Variants in TTC6 observed in about 807,000 individuals in gnomAD.
TTC6 encodes tetratricopeptide repeat protein 6.
A neutral mutation model predicts 210.4 loss-of-function variants in TTC6; 172 were observed. That is an observed-to-expected ratio of 0.82 (90% CI 0.72 to 0.93). The LOEUF (loss-of-function observed/expected upper bound fraction) is 0.93, where lower values mean the gene tolerates loss of function less well. Among genes scored for constraint, TTC6 ranks in the 40% least tolerant of loss-of-function variants. TTC6 has a pLI of 0.00. For missense variants in TTC6, 2,414 were observed against 2,318.1 expected (o/e 1.04, Z -0.85); for synonymous variants, 804 against 819.6 (o/e 0.98, Z 0.32).
chr14:37,613,111 G>T (rs1010047832), intron 2 of TTC6, among the ~76,000 whole-genome samples: 3 of 152,024 alleles, frequency 2.0e-5, no homozygotes, highest in African/African-American at 7.2e-5. Context: ...ATTTTTTGAG[G>T]ATTCTCTTAA....
At chr14:37,763,472 A>G (rs1366492545) in intron 14 of TTC6, among the ~76,000 whole-genome samples, 2 of 152,060 alleles carry the variant, frequency 1.3e-5, no homozygotes, top group Non-Finnish European at 2.9e-5. Context: ...GACTAATTCA[A>G]TTTCTTCGCT....
At chr14:37,780,384 C>G (rs1035936308) in intron 14 of TTC6, among the ~76,000 whole-genome samples, 2 of 152,114 alleles carry the variant, frequency 1.3e-5, no homozygotes, top group African/African-American at 2.4e-5. Context: ...GCGATTCTTC[C>G]TGATGCTATC....
intron 10 of TTC6, 129 bp from the exon 13 acceptor site, chr14:37,748,810 G>C (rs2095943433): frequency 1.1e-5 from 7 of 658,734 alleles, no homozygotes; most frequent in Non-Finnish European, 1.7e-5. Context: ...AGGAGAACTT[G>C]CGCATAAAAT....
At chr14:37,602,582 G>A (rs1005140756) in intron 1 of TTC6, among the ~76,000 whole-genome samples, 2 of 152,142 alleles carry the variant, frequency 1.3e-5, no homozygotes, top group African/African-American at 2.4e-5. Context: ...GCCGCATCTG[G>A]TGTCCTCGAT....
intron 5 of TTC6, among the ~76,000 whole-genome samples, chr14:37,705,522 T>C (rs1421759323): frequency 6.6e-6 from 1 of 152,148 alleles, no homozygotes; most frequent in Non-Finnish European, 1.5e-5. Flanking sequence ...AATAATACTA[T>C]ATGTATAATG....
In TTC6 at chr14:37,748,812, G is replaced by T. The variant is rs899217025; in HGVS notation, c.2364-127G>T. On this transcript the variant is annotated intron_variant, in intron 10 of 30. Transcript: ENST00000553443. ...TTATTAAATGAAAAGGAGAACTTGCGCATAAAATTAGCATGTAATTTTGTT... is the reference window on the plus strand; with the variant it reads ...TTATTAAATGAAAAGGAGAACTTGCTCATAAAATTAGCATGTAATTTTGTT... 3.0e-5 allele frequency: 20 copies of T among 660,798 alleles called. No individual in the cohort carries two copies. The East Asian group carries it at 5.8e-4, about 19-fold the overall frequency. The allele number at this position is 660,798 out of a possible 1,614,324, so 40.9% of individuals were successfully genotyped here.
chr14:37,841,842 C>T, intron 30 of TTC6, 172 bp downstream of exon 32: 1 of 654,676 alleles, frequency 1.5e-6, no homozygotes, highest in Non-Finnish European at 2.5e-6. Context: ...TATGTAATGT[C>T]TTAACTTAAA....
At chr14:37,647,695 G>A (rs2095704066) in intron 1 of TTC6, among the ~76,000 whole-genome samples, 1 of 152,114 alleles carries the variant, frequency 6.6e-6, no homozygotes, top group Non-Finnish European at 1.5e-5. Flanking sequence ...GGGTTAGAGG[G>A]ATGGGAAGTC....
intron 14 of TTC6, among the ~76,000 whole-genome samples, chr14:37,761,651 T>A (rs1196998607): frequency 6.6e-6 from 1 of 152,082 alleles, no homozygotes; most frequent in Non-Finnish European, 1.5e-5. Context: ...TTTAATCACT[T>A]CCTTATAGTT....
At chr14:37,795,344 C>T (rs1003366591) in exon 18 of TTC6, 12 of 1,524,024 alleles carry the variant, frequency 7.9e-6, no homozygotes, top group Non-Finnish European at 8.8e-6. Flanking sequence ...TCCAATTATA[C>T]ATAAGAAGGT....
chr14:37,817,633 C>G, exon 26 of TTC6: 1 of 1,614,032 alleles, frequency 6.2e-7, no homozygotes, highest in Non-Finnish European at 8.5e-7. Context: ...TGTCACGCCA[C>G]TGCCATGTGC....
chr14:37,766,639 C>G (rs1035303374), intron 14 of TTC6, among the ~76,000 whole-genome samples: 2 of 151,990 alleles, frequency 1.3e-5, no homozygotes, highest in Non-Finnish European at 2.9e-5. Flanking sequence ...GATTCCATGT[C>G]TTTACTATTG....
In TTC6 at chr14:37,625,783, G is replaced by T. The variant is rs576084503; in HGVS notation, c.939+2780G>T. Reference sequence around the variant, plus strand: ...CTGAGAGGTAAGATGATCTCAGCAGGCTGGACTGTCTTTGTTGAGAGCTTG... The same window carrying T: ...CTGAGAGGTAAGATGATCTCAGCAGTCTGGACTGTCTTTGTTGAGAGCTTG... On this transcript the variant is annotated intron_variant, in intron 1 of 30. Coordinates refer to ENST00000553443, the Ensembl canonical transcript of TTC6. Among the ~76,000 whole-genome samples, 409 of 152,194 alleles carry T rather than the reference G, an allele frequency of 2.7e-3. 4 individuals carry two copies. Among genetic ancestry groups the T allele is most frequent in the African/African-American group, 9.4e-3 (389 of 41,510 alleles).
intron 8 of TTC6, 147 bp from the exon 11 acceptor site, chr14:37,737,513 G>T: frequency 4.2e-6 from 2 of 473,442 alleles, no homozygotes; most frequent in Non-Finnish European, 7.4e-6. Context: ...TATAAAGTCA[G>T]TGACTTCAAA....
chr14:37,719,782 G>A (rs2095858429), intron 6 of TTC6, among the ~76,000 whole-genome samples: 1 of 151,850 alleles, frequency 6.6e-6, no homozygotes, highest in Non-Finnish European at 1.5e-5. Flanking sequence ...TGGGATTTAG[G>A]GCTAGGGAAA....
chr14:37,766,976 A>G (rs546702274), intron 14 of TTC6, among the ~76,000 whole-genome samples: 91 of 151,702 alleles, frequency 6.0e-4, no homozygotes, highest in African/African-American at 2.1e-3. Context: ...AGCAGTCCCC[A>G]GTGTGATGTT....
intron 7 of TTC6, among the ~76,000 whole-genome samples, chr14:37,731,823 A>T (rs1885713): frequency 0.55 from 84,076 of 152,018 alleles, 23,989 homozygotes; most frequent in African/African-American, 0.69. Flanking sequence ...ACAACATGTG[A>T]TTAGATGAAA....
intron 1 of TTC6, among the ~76,000 whole-genome samples, chr14:37,641,692 C>A (rs1158734607): frequency 6.6e-6 from 1 of 152,012 alleles, no homozygotes; most frequent in Non-Finnish European, 1.5e-5. Context: ...GTAATATGTT[C>A]TCATTTCATA....
intron 14 of TTC6, among the ~76,000 whole-genome samples, chr14:37,777,302 T>A (rs182763149): frequency 6.6e-6 from 1 of 152,282 alleles, no homozygotes; most frequent in East Asian, 1.9e-4. Flanking sequence ...TTCTTCTTTA[T>A]TGTTTTTTCT....
Sources: gnomAD v4.1 joint callset for allele counts (sites outside exome capture counted in the v4.1 genomes callset) on GRCh38, gnomAD v4.1.1 for gene constraint, MANE v1.5 for transcripts, NCBI Gene and HGNC (gene_info 2026-07-23, HGNC 2026-07-21) for gene names.